The following LRRC7 variants were observed in gnomAD, a reference collection of about 807,000 sequenced individuals.
The protein encoded by LRRC7 is leucine rich repeat containing 7, also known as leucine-rich repeat-containing protein 7.
Under a neutral mutation model 175.7 loss-of-function variants are expected in LRRC7, and 23 were observed. That is an observed-to-expected ratio of 0.13 (90% CI 0.09 to 0.19). LRRC7 has a LOEUF of 0.19. Among genes scored for constraint, LRRC7 ranks in the 10% least tolerant of loss-of-function variants. The probability of loss-of-function intolerance (pLI) is 1.00; values close to 1 mark genes in which losing one functional copy is unlikely to be tolerated. For missense variants in LRRC7, 1,354 were observed against 1,904.7 expected (o/e 0.71, Z 5.38); for synonymous variants, 685 against 680.9 (o/e 1.01, Z -0.09).
intron 2 of LRRC7, among the ~76,000 whole-genome samples, chr1:69,678,706 C>T (rs1660107133): frequency 6.6e-6 from 1 of 152,116 alleles, no homozygotes; most frequent in Non-Finnish European, 1.5e-5. Context: ...TACTGATAAT[C>T]AAGTTCCATG....
chr1:69,994,878 GA>G (rs150941319), intron 11 of LRRC7, among the ~76,000 whole-genome samples: 2,323 of 152,038 alleles, frequency 0.015, 56 homozygotes, highest in African/African-American at 0.052. Flanking sequence ...CTTTCACAAG[GA>G]AAATGATTAC....
At chr1:69,752,248 G>C (rs1370408651) in intron 2 of LRRC7, among the ~76,000 whole-genome samples, 1 of 152,144 alleles carries the variant, frequency 6.6e-6, no homozygotes, top group Non-Finnish European at 1.5e-5. Context: ...CCATATCCCT[G>C]TGGCACACTT....
In LRRC7 at chr1:69,931,727, G is replaced by GA. The variant is rs777801502; in HGVS notation, c.711+166dup. ...AGTTAATATTAGCTTTCACTTTTTG[G>GA]AAAAAAAAATGGAATTGAGCCAGAT... On this transcript the variant is annotated intron_variant, in intron 8 of 26. Transcript: ENST00000651989. Among the ~76,000 whole-genome samples the GA allele has an allele frequency of 7.7e-4, 116 of 149,846 alleles. No individual in the cohort carries two copies. The East Asian group carries it at 0.012, about 15-fold the overall frequency.
chr1:69,583,941 C>T lies in LRRC7; in HGVS notation c.2+15300C>T, dbSNP rs761448609. The stretch of plus-strand genomic sequence containing the variant: ...GTATTTGGGACTGCCAGTTCTGCCT[C>T]TTAATGAATATCTTCTGTGCCCAGC... On this transcript the variant is annotated intron_variant, in intron 1 of 26. Coordinates refer to ENST00000651989, the MANE Select transcript of LRRC7 (RefSeq NM_001370785.2). 4.3e-4 allele frequency among the ~76,000 whole-genome samples: 66 copies of T among 152,110 alleles called. 1 individual carries two copies. Among genetic ancestry groups the T allele is most frequent in the Admixed American group, 4.6e-4 (7 of 15,262 alleles).
At chr1:69,658,447 A>G (rs1656968896) in intron 1 of LRRC7, among the ~76,000 whole-genome samples, 1 of 151,994 alleles carries the variant, frequency 6.6e-6, no homozygotes, top group Admixed American at 6.6e-5. Flanking sequence ...CACACTGGCT[A>G]AAAAATTAGG....
At chr1:69,659,478 G>T (rs536488078) in intron 1 of LRRC7, among the ~76,000 whole-genome samples, 4 of 136,926 alleles carry the variant, frequency 2.9e-5, no homozygotes, top group African/African-American at 8.2e-5. Context: ...TGAAACTGAA[G>T]AACACCAAAA....
At position 70,038,252 on chromosome 1, in the gene LRRC7, T is replaced by C. The variant is rs1467000059; in HGVS notation, c.2428T>C (p.Ser810Pro). 1 of 1,613,992 alleles carries C rather than the reference T, an allele frequency of 6.2e-7. No individual in the cohort carries two copies. Among genetic ancestry groups the C allele is most frequent in the Non-Finnish European group, 8.5e-7 (1 of 1,180,008 alleles). ...TTTCACTGACAACTGGACTGATGGCTCGCATTATGACAACACAGGGTTTGT... is the reference window on the plus strand; with the variant it reads ...TTTCACTGACAACTGGACTGATGGCCCGCATTATGACAACACAGGGTTTGT... ...DTFTDNWTDGSHYDNTGFVAE... is the reference protein window; with the variant it reads ...DTFTDNWTDGPHYDNTGFVAE... Residue 810 changes from serine (S) to proline (P), a missense_variant, in exon 21 of 27, where the codon TCG becomes CCG. Coordinates refer to ENST00000651989, the MANE Select transcript of LRRC7 (RefSeq NM_001370785.2).
At chr1:69,997,558 A>G (rs1169969947) in intron 11 of LRRC7, among the ~76,000 whole-genome samples, 2 of 151,822 alleles carry the variant, frequency 1.3e-5, no homozygotes, top group African/African-American at 4.8e-5. Context: ...AGCTCTTATT[A>G]TTTTGAGATA....
intron 8 of LRRC7, among the ~76,000 whole-genome samples, chr1:69,971,918 A>G (rs1372781290): frequency 6.6e-6 from 1 of 152,234 alleles, no homozygotes; most frequent in African/African-American, 2.4e-5. Flanking sequence ...TGGCATAAAA[A>G]TAAGACACAT....
chr1:69,786,959 GAGACA>G (rs1187741787), intron 3 of LRRC7, among the ~76,000 whole-genome samples: 2 of 152,198 alleles, frequency 1.3e-5, no homozygotes, highest in African/African-American at 4.8e-5. Flanking sequence ...AGTCTCATCT[GAGACA>G]AGACAAGTCC....
At chr1:69,915,783 ATAAC>A (rs1016231602) in intron 7 of LRRC7, among the ~76,000 whole-genome samples, 2 of 151,852 alleles carry the variant, frequency 1.3e-5, no homozygotes, top group Non-Finnish European at 2.9e-5. Context: ...AAGTATTTTA[ATAAC>A]TAACACAGAG....
rs147116955 is a variant in LRRC7, at chr1:69,819,554, G to GCTCTCTCTCT, written c.422-6179_422-6170dup. Among the ~76,000 whole-genome samples the GCTCTCTCTCT allele has an allele frequency of 1.7e-4, 23 of 134,614 alleles. 1 individual carries two copies. The highest frequency in any genetic ancestry group is 6.1e-4 in the African/African-American group (22 of 36,102). 88.3% of individuals were successfully genotyped at this position (134,614 alleles called of 152,430 possible). A position where few individuals can be genotyped will look rare whatever the true frequency, so the allele number is the denominator to read the frequency against. On this transcript the variant is annotated intron_variant, in intron 4 of 26. Coordinates refer to ENST00000651989, the MANE Select transcript of LRRC7 (RefSeq NM_001370785.2). ...GTATTCTGCTGCTGTTGAATGGAAT[G>GCTCTCTCTCT]CTCTCTCTCTCTCTCTCTCTCTCTG...
chr1:70,131,850 TATTA>T lies in LRRC7; in HGVS notation c.*9967_*9970del, dbSNP rs1200089375. 6.6e-6 allele frequency among the ~76,000 whole-genome samples: 1 copy of T among 152,218 alleles called. No individual in the cohort carries two copies. The highest frequency in any genetic ancestry group is 1.5e-5 in the Non-Finnish European group (1 of 68,042). On this transcript the variant is annotated 3_prime_UTR_variant, in exon 27 of 27. Coordinates refer to ENST00000651989, the MANE Select transcript of LRRC7 (RefSeq NM_001370785.2). ...TGAAAAATGAACTGGAAAAGTGAAA[TATTA>T]ATTGAGAGAGTGACATTATCTTAGG... is the stretch of plus-strand genomic sequence containing the variant.
At chr1:69,672,237 C>G (rs1379331484) in intron 1 of LRRC7, among the ~76,000 whole-genome samples, 2 of 150,914 alleles carry the variant, frequency 1.3e-5, no homozygotes, top group African/African-American at 4.8e-5. Context: ...CTCTGCCCTT[C>G]TACTTAATAC....
intron 7 of LRRC7, chr1:69,874,769 C>T (rs1685889870): frequency 6.6e-6 from 1 of 151,886 alleles, no homozygotes; most frequent in Non-Finnish European, 1.5e-5. Flanking sequence ...AAACAGATAT[C>T]TGAAAGTAGA....
chr1:70,014,617 A>T (rs368719026), intron 13 of LRRC7, among the ~76,000 whole-genome samples: 12 of 152,182 alleles, frequency 7.9e-5, no homozygotes, highest in Non-Finnish European at 1.6e-4. Context: ...AGTTAGGCCA[A>T]AGTTAAATAT....
At chr1:69,976,789 ACTGTC>A (rs1347953638) in intron 8 of LRRC7, among the ~76,000 whole-genome samples, 3 of 152,076 alleles carry the variant, frequency 2.0e-5, no homozygotes, top group Non-Finnish European at 4.4e-5. Context: ...CCCTTAAGGT[ACTGTC>A]CTCAGTCAAC....
intron 2 of LRRC7, among the ~76,000 whole-genome samples, chr1:69,697,507 A>G (rs956099873): frequency 2.0e-5 from 3 of 152,236 alleles, no homozygotes; most frequent in African/African-American, 7.2e-5. Context: ...TTACAAGACC[A>G]TGGACAGTGC....
intron 3 of LRRC7, among the ~76,000 whole-genome samples, chr1:69,774,770 G>C (rs1426558700): frequency 6.6e-6 from 1 of 152,088 alleles, no homozygotes; most frequent in South Asian, 2.1e-4. Flanking sequence ...TAAGTATGCT[G>C]GGAAGATTAG....
Sources: allele counts gnomAD v4.1 joint callset (sites outside exome capture counted in the v4.1 genomes callset), GRCh38; gene constraint gnomAD v4.1.1; transcripts MANE v1.5; gene names NCBI Gene and HGNC (gene_info 2026-07-23, HGNC 2026-07-21).